Variants in KANK2 observed in about 807,000 individuals in gnomAD.
KANK2 encodes the protein KN motif and ankyrin repeat domains 2.
A neutral mutation model predicts 74.6 loss-of-function variants in KANK2; 41 were observed. The observed-to-expected ratio is 0.55, with a 90% CI of 0.43 to 0.71. The LOEUF is 0.71. KANK2 is among the 30% of genes least tolerant of loss of function. The probability of loss-of-function intolerance (pLI) is 0.00; values close to 1 mark genes in which losing one functional copy is unlikely to be tolerated. For missense variants in KANK2, 1,148 were observed against 1,196.4 expected, an observed-to-expected ratio of 0.96 and a Z score of 0.60; for synonymous variants, 537 against 519.0, an observed-to-expected ratio of 1.03 and a Z score of -0.47.
At chr19:11,166,792 G>A (rs958097774) in intron 12 of KANK2, among the ~76,000 whole-genome samples, 181 bp from the exon 13 acceptor site, 2 of 152,210 alleles carry the variant, frequency 1.3e-5, no homozygotes, top group African/African-American at 2.4e-5. Flanking sequence ...CTGTGGTTGA[G>A]GATGTTCACC....
intron 4 of KANK2, among the ~76,000 whole-genome samples, chr19:11,188,587 C>T (rs1280736786): frequency 1.3e-5 from 2 of 151,562 alleles, no homozygotes; most frequent in Admixed American, 6.6e-5. Context: ...TTGATAAGCC[C>T]GAGCCTTTGC....
rs112689895 is a variant in KANK2 at position 11,169,763 on chromosome 19, C to T, written c.2502+114G>A. Reference sequence around the variant, plus strand: ...TTGCAATGAGCCCAGATCGTGCCACCGCACTCCACCCTGGGCGACAGAGTG... The same window carrying T: ...TTGCAATGAGCCCAGATCGTGCCACTGCACTCCACCCTGGGCGACAGAGTG... On this transcript the variant is annotated intron_variant, in intron 12 of 12. Transcript: ENST00000586659. The T allele has an allele frequency of 3.9e-4, 336 of 862,686 alleles. 3 individuals carry two copies. The African/African-American group carries it at 4.5e-3, about 12-fold the overall frequency. The allele number at this position is 862,686 out of a possible 1,614,324, so 53.4% of individuals were successfully genotyped here. A position where few individuals can be genotyped will look rare whatever the true frequency, so the allele number is the denominator to read the frequency against.
rs774873998 is a variant in KANK2 at position 11,166,612 on chromosome 19, C to T, written c.2503-1G>A. ...TCTCGTCATCTGACATTGGGGCAAA[C>T]TGAAACAGAGAAGCAGAATTCTTTT... On this transcript the variant is annotated splice_acceptor_variant, in intron 12 of 12. Transcript: ENST00000586659. LOFTEE classifies it high-confidence loss of function. 1 of 1,614,134 alleles carries T rather than the reference C, an allele frequency of 6.2e-7. No individual in the cohort carries two copies. The highest frequency in any genetic ancestry group is 8.5e-7 in the Non-Finnish European group (1 of 1,179,976).
chr19:11,175,420 T>G (rs1443546722), intron 8 of KANK2, among the ~76,000 whole-genome samples: 1 of 76,030 alleles, frequency 1.3e-5, no homozygotes, highest in Non-Finnish European at 2.2e-5. Flanking sequence ...AGAGCAAGAC[T>G]CCCTCTCAAA....
intron 10 of KANK2, among the ~76,000 whole-genome samples, chr19:11,172,060 C>A (rs1399294348): frequency 1.3e-5 from 2 of 150,270 alleles, no homozygotes; most frequent in African/African-American, 2.5e-5. Context: ...ACTGCAACTT[C>A]CACCTCCCAG....
At position 11,174,669 on chromosome 19, in the gene KANK2, C is replaced by G; in HGVS notation, c.1872G>C (p.Leu624=). 1 of 1,607,854 alleles carries G rather than the reference C, an allele frequency of 6.2e-7. No individual in the cohort carries two copies. The highest frequency in any genetic ancestry group is 8.5e-7 in the Non-Finnish European group (1 of 1,178,018). Residue 624 remains leucine (L), a synonymous_variant, in exon 9 of 13, where the codon CTG becomes CTC. Transcript: ENST00000586659. Reference sequence around the variant, plus strand: ...GGCAGGCCAGGCGCAGCCACTCCTGCAGCACTGTGGTGTAGGCCACTTTCT... The same window carrying G: ...GGCAGGCCAGGCGCAGCCACTCCTGGAGCACTGTGGTGTAGGCCACTTTCT... ...RELKVAYTTV[L]QEWLRLACRS... is the part of the protein sequence containing the mutation.
intron 4 of KANK2, among the ~76,000 whole-genome samples, chr19:11,191,518 C>G (rs1040936598): frequency 2.6e-5 from 4 of 152,226 alleles, no homozygotes; most frequent in Admixed American, 1.3e-4. Flanking sequence ...TCCCCTACCC[C>G]CGGCGTCCAT....
In KANK2 at chr19:11,193,799, T is replaced by A; in HGVS notation, c.281A>T (p.Asp94Val). The change falls in exon 4 of 13, where the codon GAC becomes GTC. Residue 94 changes from aspartate (D) to valine (V), a missense_variant. Asp to Val is a radical substitution (Grantham distance 152). Transcript: ENST00000586659. This position sits in a 1 kb window ranked among gnomAD's most constrained non-coding sequence, Gnocchi z 9.6. ...GTAGGAATAGGCTGAGTGGCGGCTG[T>A]CCCCACTGGCATTGGAGCACAGCGA... is the stretch of plus-strand genomic sequence containing the variant. ...TESLCSNASG[D>V]SRHSAYSYCG... The A allele has an allele frequency of 6.2e-7, 1 of 1,612,588 alleles. No homozygotes were observed. Among genetic ancestry groups the A allele is most frequent in the Non-Finnish European group, 8.5e-7 (1 of 1,179,674 alleles).
chr19:11,173,104 T>C lies in KANK2; in HGVS notation c.2088A>G (p.Lys696=). 1.2e-6 allele frequency: 2 copies of C among 1,613,638 alleles called. No homozygotes were observed. Among genetic ancestry groups the C allele is most frequent in the Middle Eastern group, 1.7e-4 (1 of 6,058 alleles). Residue 696 remains lysine (K), a synonymous_variant, in exon 10 of 13, where the codon AAA becomes AAG. Coordinates refer to ENST00000586659, the MANE Select transcript of KANK2 (RefSeq NM_001136191.3). ...TAGGGCTGTAGCCAGCACGGTTCTG[T>C]TTGTCCACCTTGCAGACACCTAAGA... The part of the protein sequence containing the change: ...LLDSGVCKVD[K]QNRAGYSPIM...
chr19:11,181,525 G>A (rs1600815652), intron 4 of KANK2, among the ~76,000 whole-genome samples: 2 of 152,158 alleles, frequency 1.3e-5, no homozygotes, highest in African/African-American at 4.8e-5. Flanking sequence ...GGGGTTACAG[G>A]TGGGAACCAC....
chr19:11,193,150 C>T lies in KANK2; in HGVS notation c.930G>A (p.Gln310=). The part of the protein sequence containing the change: ...LQELQAAQAR[Q]ADPQPQAWPP... ...GCCAGGCCTGGGGCTGGGGGTCAGC[C>T]TGCCGGGCCTGAGCTGCCTGCAGCT... Residue 310 remains glutamine (Q), a synonymous_variant, in exon 4 of 13, where the codon CAG becomes CAA. Coordinates refer to ENST00000586659, the MANE Select transcript of KANK2 (RefSeq NM_001136191.3). This position sits in a 1 kb window ranked among gnomAD's most constrained non-coding sequence, Gnocchi z 9.6. The T allele has an allele frequency of 6.2e-7, 1 of 1,608,420 alleles. No homozygotes were observed. Among genetic ancestry groups the T allele is most frequent in the Non-Finnish European group, 8.5e-7 (1 of 1,177,690 alleles).
intron 4 of KANK2, among the ~76,000 whole-genome samples, chr19:11,181,263 A>G (rs1164050546): frequency 1.4e-5 from 2 of 145,958 alleles, no homozygotes; most frequent in Non-Finnish European, 3.0e-5. Flanking sequence ...TATTATTATT[A>G]TTTGATACAG....
At chr19:11,180,500 A>G (rs1255206244) in intron 4 of KANK2, among the ~76,000 whole-genome samples, 2 of 152,134 alleles carry the variant, frequency 1.3e-5, no homozygotes, top group Non-Finnish European at 1.5e-5. Flanking sequence ...GCAAAGAGTA[A>G]CATAGACAGG....
intron 4 of KANK2, among the ~76,000 whole-genome samples, chr19:11,190,317 AG>A (rs2078805034): frequency 6.6e-6 from 1 of 152,046 alleles, no homozygotes; most frequent in Non-Finnish European, 1.5e-5. Flanking sequence ...TAGTAGTGAC[AG>A]GGTTTCGCCA....
In KANK2 at chr19:11,182,684, A is replaced by G. The variant is rs542557917; in HGVS notation, c.1250-3964T>C. ...CGGTGAAACCCCATCTCTACTAAAA[A>G]TATAAAAAATTAGGAAGGCATGGTG... On this transcript the variant is annotated intron_variant, in intron 4 of 12. Transcript: ENST00000586659. Among the ~76,000 whole-genome samples, 4 of 151,550 alleles carry G rather than the reference A, an allele frequency of 2.6e-5. No individual in the cohort carries two copies. In the South Asian group the frequency reaches 8.3e-4, roughly 32 times the overall value.
chr19:11,180,926 A>C (rs2078494998), intron 4 of KANK2, among the ~76,000 whole-genome samples: 1 of 151,784 alleles, frequency 6.6e-6, no homozygotes, highest in African/African-American at 2.4e-5. Context: ...GTCTCTACTA[A>C]AAATATAACA....
chr19:11,192,681 C>G (rs577495607), intron 4 of KANK2, 150 bp downstream of exon 4: 1 of 898,002 alleles, frequency 1.1e-6, no homozygotes, highest in South Asian at 1.4e-5. Context: ...GTGATCTGCC[C>G]GCCTCGGCCT....
rs138583048 is a variant in KANK2, at chr19:11,176,662, C to A, written c.1676G>T (p.Arg559Leu). The A allele has an allele frequency of 1.7e-3, 2,811 of 1,613,660 alleles. 15 individuals carry two copies. The highest frequency in any genetic ancestry group is 1.5e-3 in the Non-Finnish European group (1,751 of 1,179,860). The change falls in exon 7 of 13, where the codon CGG becomes CTG. Residue 559 changes from arginine to leucine, a missense_variant. Coordinates refer to ENST00000586659, the MANE Select transcript of KANK2 (RefSeq NM_001136191.3). Reference sequence around the variant, plus strand: ...TTCTCGAGACAGCTGACACTCCTGCCGGCTGGTCTTGGCCGCTGCCGTCCC... The same window carrying A: ...TTCTCGAGACAGCTGACACTCCTGCAGGCTGGTCTTGGCCGCTGCCGTCCC... ...PAGTAAAKTS[R>L]QECQLSRESQ...
At chr19:11,167,631 A>G (rs535021617) in intron 12 of KANK2, among the ~76,000 whole-genome samples, 2 of 151,542 alleles carry the variant, frequency 1.3e-5, no homozygotes, top group East Asian at 3.9e-4. Flanking sequence ...AGGTTCAAGC[A>G]ATTCTCATGC....
Sources: gnomAD v4.1 joint callset for allele counts (sites outside exome capture counted in the v4.1 genomes callset) on GRCh38, gnomAD v4.1.1 for gene constraint, Gnocchi (gnomAD v3.1) non-coding constraint, MANE v1.5 for transcripts, NCBI Gene and HGNC (gene_info 2026-07-23, HGNC 2026-07-21) for gene names.